Variants in DLG2 observed in about 807,000 individuals in gnomAD.
DLG2 encodes disks large homolog 2.
A neutral mutation model predicts 132.5 loss-of-function variants in DLG2; 45 were observed. The observed-to-expected ratio is 0.34, with a 90% confidence interval of 0.27 to 0.44. The LOEUF (loss-of-function observed/expected upper bound fraction) is 0.44. DLG2 is among the 20% of genes least tolerant of loss of function. DLG2 has a pLI of 1.00. For missense variants in DLG2, 1,045 were observed against 1,196.9 expected, an observed-to-expected ratio of 0.87 and a Z score of 1.87; for synonymous variants, 424 against 419.6, an observed-to-expected ratio of 1.01 and a Z score of -0.13.
chr11:83,756,843 T>A (rs891859369), intron 18 of DLG2, among the ~76,000 whole-genome samples: 2 of 146,370 alleles, frequency 1.4e-5, no homozygotes, highest in Non-Finnish European at 2.9e-5. Flanking sequence ...AACATTTGTA[T>A]GAGAAAAACC....
At chr11:84,130,479 T>C (rs1359919774) in intron 9 of DLG2, among the ~76,000 whole-genome samples, 4 of 136,516 alleles carry the variant, frequency 2.9e-5, no homozygotes, top group Admixed American at 2.1e-4. Flanking sequence ...ATCAAACATG[T>C]ACAAGTGGAA....
intron 11 of DLG2, among the ~76,000 whole-genome samples, chr11:84,021,833 C>T (rs1446698051): frequency 5.3e-5 from 8 of 151,916 alleles, no homozygotes; most frequent in Non-Finnish European, 1.2e-4. Flanking sequence ...CCTCAACCTC[C>T]GCCTACCGGG....
chr11:83,512,329 C>G lies in DLG2; in HGVS notation c.2193+20379G>C, dbSNP rs189543790. 6.9e-3 allele frequency among the ~76,000 whole-genome samples: 1,053 copies of G among 152,204 alleles called. 18 individuals are homozygous for G. Among genetic ancestry groups the G allele is most frequent in the African/African-American group, 0.025 (1,020 of 41,510 alleles). ...GAAATGGTGGGAAATACATTCGAGA[C>G]GCAGTTCTGGCTTGGATTGTGAGGA... On this transcript the variant is annotated intron_variant, in intron 21 of 27. Transcript: ENST00000376104.
chr11:85,554,851 C>G (rs139109085), intron 3 of DLG2, among the ~76,000 whole-genome samples: 64 of 151,792 alleles, frequency 4.2e-4, no homozygotes, highest in African/African-American at 1.5e-3. Flanking sequence ...TGACAACTGA[C>G]TGACTCTACC....
intron 19 of DLG2, among the ~76,000 whole-genome samples, chr11:83,583,588 T>G (rs2097022189): frequency 6.6e-6 from 1 of 152,214 alleles, no homozygotes; most frequent in Non-Finnish European, 1.5e-5. Flanking sequence ...AGTTGCAAAA[T>G]GTCAGGGCTT....
intron 14 of DLG2, among the ~76,000 whole-genome samples, chr11:83,944,308 C>T (rs374595937): frequency 3.9e-5 from 6 of 152,106 alleles, no homozygotes; most frequent in African/African-American, 7.2e-5. Flanking sequence ...CTGCCTGTTC[C>T]GCCAAAACCT....
chr11:84,497,456 C>T (rs1227260504), intron 7 of DLG2, among the ~76,000 whole-genome samples: 1 of 152,062 alleles, frequency 6.6e-6, no homozygotes, highest in Non-Finnish European at 1.5e-5. Flanking sequence ...ATATATCCCA[C>T]TATCCAATCA....
At position 84,618,557 on chromosome 11, in the gene DLG2, T is replaced by C. The variant is rs1289152131; in HGVS notation, c.358-83826A>G. On this transcript the variant is annotated intron_variant, in intron 6 of 27. Transcript: ENST00000376104. The stretch of plus-strand genomic sequence containing the variant: ...AAAGCCAGCATGCCCAGAGGAAAAA[T>C]AGTTCTTTCAGGTCTGAGATCAGAA... Among the ~76,000 whole-genome samples the C allele has an allele frequency of 2.6e-5, 4 of 151,866 alleles. No individual in the cohort carries two copies. The East Asian group carries it at 7.8e-4, about 30-fold the overall frequency.
At chr11:84,596,819 T>G (rs573977666) in intron 6 of DLG2, among the ~76,000 whole-genome samples, 1 of 152,172 alleles carries the variant, frequency 6.6e-6, no homozygotes, top group Non-Finnish European at 1.5e-5. Flanking sequence ...GTACGAAATA[T>G]ATCACTTTCC....
intron 3 of DLG2, among the ~76,000 whole-genome samples, chr11:85,296,859 T>A (rs937849365): frequency 2.7e-5 from 4 of 150,110 alleles, no homozygotes; most frequent in African/African-American, 9.7e-5. Flanking sequence ...GTAATAAAAT[T>A]TTATTATAAT....
chr11:84,569,667 T>C (rs2099472584), intron 6 of DLG2, among the ~76,000 whole-genome samples: 2 of 152,208 alleles, frequency 1.3e-5, no homozygotes, highest in Non-Finnish European at 2.9e-5. Context: ...TATAGAATGA[T>C]GGTTCTGAGA....
At chr11:83,583,459 T>C (rs1275906408) in intron 19 of DLG2, among the ~76,000 whole-genome samples, 1 of 152,236 alleles carries the variant, frequency 6.6e-6, no homozygotes, top group African/African-American at 2.4e-5. Context: ...GAGAAATGGA[T>C]TCTAGACCCA....
intron 7 of DLG2, among the ~76,000 whole-genome samples, chr11:84,496,519 C>T (rs2099184545): frequency 6.6e-6 from 1 of 152,056 alleles, no homozygotes; most frequent in African/African-American, 2.4e-5. Context: ...TACTAAATTC[C>T]TTAGAATCTG....
intron 26 of DLG2, among the ~76,000 whole-genome samples, chr11:83,465,021 G>T (rs182456156): frequency 2.0e-3 from 306 of 152,144 alleles, no homozygotes; most frequent in African/African-American, 7.1e-3. Flanking sequence ...CCTATACAAG[G>T]AGAAATTTAA....
At chr11:85,483,567 A>T (rs1473816540) in intron 3 of DLG2, among the ~76,000 whole-genome samples, 3 of 152,236 alleles carry the variant, frequency 2.0e-5, no homozygotes, top group African/African-American at 7.2e-5. Context: ...AAGAAAGCAG[A>T]CAATCAAATC....
intron 3 of DLG2, among the ~76,000 whole-genome samples, chr11:85,487,586 C>T (rs1247431640): frequency 2.0e-5 from 3 of 151,458 alleles, no homozygotes; most frequent in Non-Finnish European, 4.4e-5. Flanking sequence ...GAAACAATTT[C>T]ATAACTTGAA....
At chr11:84,795,594 C>A (rs2074481102) in intron 6 of DLG2, among the ~76,000 whole-genome samples, 1 of 152,142 alleles carries the variant, frequency 6.6e-6, no homozygotes, top group South Asian at 2.1e-4. Context: ...GGGACAAGAA[C>A]TCAGGACCCA....
intron 6 of DLG2, among the ~76,000 whole-genome samples, chr11:84,715,536 CCT>C (rs1444829791): frequency 6.6e-6 from 1 of 152,042 alleles, no homozygotes; most frequent in Admixed American, 6.6e-5. Flanking sequence ...CTTCAAATTT[CCT>C]CCCAATCTCC....
intron 3 of DLG2, among the ~76,000 whole-genome samples, chr11:85,334,705 T>C (rs2082008429): frequency 6.6e-6 from 1 of 152,198 alleles, no homozygotes; most frequent in Non-Finnish European, 1.5e-5. Flanking sequence ...CTGGAGCAGA[T>C]TACTTAATTT....
Sources: allele counts gnomAD v4.1 joint callset (sites outside exome capture counted in the v4.1 genomes callset), GRCh38; gene constraint gnomAD v4.1.1; transcripts MANE v1.5; gene names NCBI Gene and HGNC (gene_info 2026-07-23, HGNC 2026-07-21).